The following JAK3 variants were observed in gnomAD, a reference collection of about 807,000 sequenced individuals.
JAK3 encodes tyrosine-protein kinase JAK3.
Under a neutral mutation model 120.8 loss-of-function variants are expected in JAK3, and 88 were observed. The ratio of observed to expected loss-of-function variants is 0.73; its 90% confidence interval spans 0.61 to 0.87. The LOEUF (loss-of-function observed/expected upper bound fraction) is 0.87. Among genes scored for constraint, JAK3 ranks in the 40% least tolerant of loss-of-function variants. The probability of loss-of-function intolerance (pLI) is 0.00; values close to 1 mark genes in which losing one functional copy is unlikely to be tolerated. For missense variants in JAK3, 1,254 were observed against 1,501.4 expected (o/e 0.84, Z 2.72); for synonymous variants, 592 against 628.6 (o/e 0.94, Z 0.87).
intron 1 of JAK3, among the ~76,000 whole-genome samples, chr19:17,847,619 T>TA (rs2094255083): frequency 6.6e-6 from 1 of 151,920 alleles, no homozygotes; most frequent in Admixed American, 6.6e-5. Context: ...GCCTGGAGGG[T>TA]AGGGGCTGGG....
chr19:17,827,331 T>C (rs2094205705), intron 23 of JAK3, among the ~76,000 whole-genome samples: 1 of 151,692 alleles, frequency 6.6e-6, no homozygotes, highest in Non-Finnish European at 1.5e-5. Context: ...AAAACTCCCA[T>C]GGCTCCCTAT....
rs3212732 is a variant in JAK3 at position 17,841,596 on chromosome 19, C to T, written c.984+44G>A. ...CAGTGAAACCCGAGGGTGCCGGTCC[C>T]GCCCTCGGGGTAAGGCTGAAGGGGA... On this transcript the variant is annotated intron_variant, in intron 7 of 23. Transcript: ENST00000458235. The surrounding 1 kb of genome is among the most constrained non-coding windows in gnomAD (Gnocchi z 4.1). 7,258 of 1,611,456 alleles carry T rather than the reference C, an allele frequency of 4.5e-3. 314 individuals carry two copies. In the African/African-American group the frequency reaches 0.087, roughly 19 times the overall value.
chr19:17,832,781 C>T lies in JAK3; in HGVS notation c.2490+9G>A. 6.2e-7 allele frequency: 1 copy of T among 1,614,262 alleles called. No individual in the cohort carries two copies. Among genetic ancestry groups the T allele is most frequent in the Non-Finnish European group, 8.5e-7 (1 of 1,180,042 alleles). ...CCTCTCCAACCCACCCTGGCCCTGC[C>T]CACCTTACCTTGCCCAGCTGTGAGA... On this transcript the variant is annotated intron_variant, in intron 18 of 23. Transcript: ENST00000458235. This position sits in a 1 kb window ranked among gnomAD's most constrained non-coding sequence, Gnocchi z 4.7.
Position 17,843,608 on chromosome 19 carries a change from C to T in JAK3, c.309-117G>A, listed in dbSNP as rs1306511322. ...AGGCCTCACAGAGCCCAGCTTGTAC[C>T]TTTAACTTGCTGTGTGACCTTGGGC... On this transcript the variant is annotated intron_variant, in intron 3 of 23. Transcript: ENST00000458235. This position sits in a 1 kb window ranked among gnomAD's most constrained non-coding sequence, Gnocchi z 5.4. 1.7e-6 allele frequency: 2 copies of T among 1,176,026 alleles called. No homozygotes were observed. The highest frequency in any genetic ancestry group is 2.5e-6 in the Non-Finnish European group (2 of 786,994). The allele number at this position is 1,176,026 out of a possible 1,614,324, so 72.8% of individuals were successfully genotyped here. A position where few individuals can be genotyped will look rare whatever the true frequency, so the allele number is the denominator to read the frequency against.
chr19:17,829,954 C>G, intron 23 of JAK3, 154 bp downstream of exon 23: 3 of 690,910 alleles, frequency 4.3e-6, no homozygotes, highest in Non-Finnish European at 8.0e-6. Flanking sequence ...ACTTGCCACA[C>G]AGTGAGAGAG....
rs2094246325 is a variant in JAK3 at position 17,844,109 on chromosome 19, T to C, written c.184+125A>G. 4 of 1,225,030 alleles carry C rather than the reference T, an allele frequency of 3.3e-6. No homozygotes were observed. In the South Asian group the frequency reaches 3.9e-5, roughly 12 times the overall value. 75.9% of individuals were successfully genotyped at this position (1,225,030 alleles called of 1,614,324 possible). A position where few individuals can be genotyped will look rare whatever the true frequency, so the allele number is the denominator to read the frequency against. ...TGCACACCCTTCTCCATTACAAAAC[T>C]CCTACTCATCCCCCAAAGCCCCAGC... On this transcript the variant is annotated intron_variant, in intron 2 of 23. Transcript: ENST00000458235.
Position 17,843,688 on chromosome 19 carries a change from T to C in JAK3, c.308+89A>G. ...TCATCTGAGAAATGGGTAGTGACCA[T>C]ACCTCCCTGGGGCAGGGGTGTGGGC... On this transcript the variant is annotated intron_variant, in intron 3 of 23. Coordinates refer to ENST00000458235, the MANE Select transcript of JAK3 (RefSeq NM_000215.4). The surrounding 1 kb of genome is among the most constrained non-coding windows in gnomAD (Gnocchi z 5.4). The C allele has an allele frequency of 1.3e-6, 2 of 1,507,156 alleles. No homozygotes were observed. Among genetic ancestry groups the C allele is most frequent in the Non-Finnish European group, 1.8e-6 (2 of 1,084,310 alleles). The allele number at this position is 1,507,156 out of a possible 1,614,324, so 93.4% of individuals were successfully genotyped here.
rs1160083927 is a variant in JAK3, at chr19:17,842,459, T to C, written c.718A>G (p.Met240Val). 2.6e-5 allele frequency: 41 copies of C among 1,596,710 alleles called. No individual in the cohort carries two copies. The highest frequency in any genetic ancestry group is 3.4e-5 in the Non-Finnish European group (40 of 1,172,738). ...DRHSLMAKYI[M>V]DLERLDPAGA... ...GCTGGATCCAGCCGCTCCAGGTCCA[T>C]GATGTACTTGGCCATGAGCGAGTGC... is the stretch of plus-strand genomic sequence containing the variant. The change falls in exon 6 of 24, where the codon ATG becomes GTG. Residue 240 changes from methionine (M) to valine (V), a missense_variant. Physicochemically the swap from Met to Val is conservative, Grantham distance 21 (BLOSUM62 1). This residue lies in a region of JAK3 where 486 missense variants were observed against 503.0 expected (regional missense o/e 0.97). Transcript: ENST00000458235. The surrounding 1 kb of genome is among the most constrained non-coding windows in gnomAD (Gnocchi z 6.4).
chr19:17,833,638 A>C (rs2094218488), intron 17 of JAK3, among the ~76,000 whole-genome samples: 1 of 151,434 alleles, frequency 6.6e-6, no homozygotes, highest in Non-Finnish European at 1.5e-5. Flanking sequence ...TCTCTTTGAG[A>C]CCAGGAGTTC....
chr19:17,830,271 G>C, intron 22 of JAK3, 53 bp from the exon 23 acceptor site: 1 of 1,408,746 alleles, frequency 7.1e-7, no homozygotes, highest in Non-Finnish European at 9.8e-7. Flanking sequence ...GTGGGTGGAG[G>C]GGGAGGGGCC....
chr19:17,843,299 G>GCCCCA lies in JAK3; in HGVS notation c.420+76_420+80dup. On this transcript the variant is annotated intron_variant, in intron 4 of 23. Coordinates refer to ENST00000458235, the MANE Select transcript of JAK3 (RefSeq NM_000215.4). The surrounding 1 kb of genome is among the most constrained non-coding windows in gnomAD (Gnocchi z 5.4). ...ACTGCCACAGGGAGGGTCAGACGAG[G>GCCCCA]CCCCACCTGATTGCATGCCAGTCCT... is the stretch of plus-strand genomic sequence containing the variant. The GCCCCA allele has an allele frequency of 2.0e-6, 3 of 1,522,244 alleles. No homozygotes were observed. The highest frequency in any genetic ancestry group is 2.7e-6 in the Non-Finnish European group (3 of 1,121,064). 94.3% of individuals were successfully genotyped at this position (1,522,244 alleles called of 1,614,324 possible).
Position 17,831,220 on chromosome 19 carries a change from T to C in JAK3, c.2978+8A>G, listed in dbSNP as rs760847722. The C allele has an allele frequency of 6.2e-7, 1 of 1,610,478 alleles. No individual in the cohort carries two copies. Among genetic ancestry groups the C allele is most frequent in the East Asian group, 2.2e-5 (1 of 44,836 alleles). On this transcript the variant is annotated splice_region_variant and intron_variant, in intron 21 of 23. Transcript: ENST00000458235. The surrounding 1 kb of genome is among the most constrained non-coding windows in gnomAD (Gnocchi z 5.1). ...AATAGGGGCGGAGCCTAGGCGCGGG[T>C]TCCCCACCAGAAAATGGGGCTCTGG...
At position 17,835,212 on chromosome 19, in the gene JAK3, C is replaced by T. The variant is rs774135817; in HGVS notation, c.1918G>A (p.Asp640Asn). 6 of 1,613,786 alleles carry T rather than the reference C, an allele frequency of 3.7e-6. No individual in the cohort carries two copies. The highest frequency in any genetic ancestry group is 4.2e-6 in the Non-Finnish European group (5 of 1,180,014). The change falls in exon 15 of 24, where the codon GAC becomes AAC. Residue 640 changes from aspartate (D) to asparagine (N), a missense_variant. This residue lies in a region of JAK3 where 630 missense variants were observed against 819.8 expected (regional missense o/e 0.77). Coordinates refer to ENST00000458235, the MANE Select transcript of JAK3 (RefSeq NM_000215.4). ...QLAYALNYLE[D>N]KGLPHGNVSA... ...ACATTGCCATGGGGCAGGCCTTTGT[C>T]CTCCTAAGGGGGCCAGACACAGGAA...
Position 17,825,531 on chromosome 19 carries a change from G to T in JAK3, c.*1212C>A. 1 of 203,348 alleles carries T rather than the reference G, an allele frequency of 4.9e-6. No individual in the cohort carries two copies. The highest frequency in any genetic ancestry group is 7.5e-5 in the East Asian group (1 of 13,412). 12.6% of individuals were successfully genotyped at this position (203,348 alleles called of 1,614,324 possible). A position where few individuals can be genotyped will look rare whatever the true frequency, so the allele number is the denominator to read the frequency against. ...GGCTCCCCTAAAAGGCAGAGTCCCA[G>T]CCACAGCAACTGCTCTTGTCCTTGG... On this transcript the variant is annotated 3_prime_UTR_variant, in exon 24 of 24. Transcript: ENST00000458235.
intron 22 of JAK3, 54 bp from the exon 23 acceptor site, chr19:17,830,272 G>C (rs919330120): frequency 4.3e-5 from 60 of 1,400,380 alleles, no homozygotes; most frequent in Non-Finnish European, 5.4e-5. Context: ...TGGGTGGAGG[G>C]GGAGGGGCCA....
Position 17,831,616 on chromosome 19 carries a change from A to T in JAK3, c.2805+58T>A. ...AGCCTTCACCGCGACCTCCAAGCAG[A>T]CCCCTGCCCAGGCCGTGCCAGCTGA... is the stretch of plus-strand genomic sequence containing the variant. On this transcript the variant is annotated intron_variant, in intron 20 of 23. Transcript: ENST00000458235. The surrounding 1 kb of genome is among the most constrained non-coding windows in gnomAD (Gnocchi z 5.1). 6.4e-7 allele frequency: 1 copy of T among 1,573,096 alleles called. No individual in the cohort carries two copies. Among genetic ancestry groups the T allele is most frequent in the Non-Finnish European group, 8.6e-7 (1 of 1,161,510 alleles).
rs761583890 is a variant in JAK3 at position 17,843,778 on chromosome 19, G to A, written c.307C>T (p.Arg103Cys). The A allele has an allele frequency of 4.3e-6, 7 of 1,613,204 alleles. No individual in the cohort carries two copies. The highest frequency in any genetic ancestry group is 2.2e-5 in the East Asian group (1 of 44,840). The change falls in exon 3 of 24, where the codon CGC becomes TGC. Residue 103 changes from arginine to cysteine, a missense_variant and splice_region_variant. Physicochemically the swap from Arg to Cys is radical, Grantham distance 180. This residue lies in a region of JAK3 where 138 missense variants were observed against 178.7 expected (regional missense o/e 0.77). Transcript: ENST00000458235. This position sits in a 1 kb window ranked among gnomAD's most constrained non-coding sequence, Gnocchi z 5.4. ...TGGGGGCTGGGGGGCACTTCCTACC[G>A]AATCCTGTACAGCAGGACTTGGGTG... ...ASTQVLLYRIRFYFPNWFGLE... is the reference protein window; with the variant it reads ...ASTQVLLYRICFYFPNWFGLE...
Position 17,841,370 on chromosome 19 carries a change from A to G in JAK3, c.1142+19T>C, listed in dbSNP as rs1599877283. 1 of 1,542,440 alleles carries G rather than the reference A, an allele frequency of 6.5e-7. No individual in the cohort carries two copies. The highest frequency in any genetic ancestry group is 1.4e-5 in the African/African-American group (1 of 73,202). ...CCCTGAGTGGCCACAGAGGCCGGGA[A>G]TGGGGGACAGGTCCTTACGTGATGG... On this transcript the variant is annotated intron_variant, in intron 8 of 23. Coordinates refer to ENST00000458235, the MANE Select transcript of JAK3 (RefSeq NM_000215.4). The surrounding 1 kb of genome is among the most constrained non-coding windows in gnomAD (Gnocchi z 4.1).
Position 17,843,641 on chromosome 19 carries a change from C to T in JAK3, c.308+136G>A. 1 of 1,314,476 alleles carries T rather than the reference C, an allele frequency of 7.6e-7. No individual in the cohort carries two copies. The allele number at this position is 1,314,476 out of a possible 1,614,324, so 81.4% of individuals were successfully genotyped here. A position where few individuals can be genotyped will look rare whatever the true frequency, so the allele number is the denominator to read the frequency against. The stretch of plus-strand genomic sequence containing the variant: ...TGCTGTGTGACCTTGGGCAAGTGAC[C>T]CACCCTCTCTGGTCTGTTTCCTCAT... On this transcript the variant is annotated intron_variant, in intron 3 of 23. Coordinates refer to ENST00000458235, the MANE Select transcript of JAK3 (RefSeq NM_000215.4). This position sits in a 1 kb window ranked among gnomAD's most constrained non-coding sequence, Gnocchi z 5.4.
Sources: gnomAD v4.1 joint callset for allele counts (sites outside exome capture counted in the v4.1 genomes callset) on GRCh38, gnomAD v4.1.1 for gene constraint, gnomAD v4.1.1 regional missense constraint, Gnocchi (gnomAD v3.1) non-coding constraint, MANE v1.5 for transcripts, NCBI Gene and HGNC (gene_info 2026-07-23, HGNC 2026-07-21) for gene names.